The following ACBD3 variants were observed in gnomAD, a reference collection of about 807,000 sequenced individuals.
ACBD3 encodes Golgi resident protein GCP60.
Under a neutral mutation model 66.9 loss-of-function variants are expected in ACBD3, and 30 were observed. That is an observed-to-expected ratio of 0.45 (90% CI 0.34 to 0.61). The LOEUF (loss-of-function observed/expected upper bound fraction) is 0.61. Ranked by LOEUF, ACBD3 falls within the 20% of genes least tolerant of loss-of-function variation. The pLI, the probability that ACBD3 is intolerant of heterozygous loss-of-function variation, is 0.02. For synonymous variants in ACBD3, 278 were observed against 259.8 expected, an observed-to-expected ratio of 1.07 and a Z score of -0.68; for missense variants, 544 against 664.5, an observed-to-expected ratio of 0.82 and a Z score of 1.99.
intron 2 of ACBD3, 65 bp downstream of exon 2, chr1:226,165,794 A>G: frequency 6.5e-7 from 1 of 1,544,890 alleles, no homozygotes; most frequent in Non-Finnish European, 8.7e-7. Context: ...ACCTTAACCA[A>G]TACACATTGT....
chr1:226,156,952 TC>T (rs1380534406), intron 5 of ACBD3, among the ~76,000 whole-genome samples: 1 of 152,174 alleles, frequency 6.6e-6, no homozygotes, highest in Non-Finnish European at 1.5e-5. Context: ...CGACCATGAA[TC>T]TATTGTACTA....
At chr1:226,160,946 A>T (rs1051251355) in intron 4 of ACBD3, among the ~76,000 whole-genome samples, 7 of 152,242 alleles carry the variant, frequency 4.6e-5, no homozygotes, top group African/African-American at 7.2e-5. Context: ...AGATGCATGG[A>T]AACATAGACC....
intron 1 of ACBD3, among the ~76,000 whole-genome samples, chr1:226,177,901 C>A (rs1656082211): frequency 1.3e-5 from 2 of 152,004 alleles, no homozygotes; most frequent in South Asian, 4.2e-4. Flanking sequence ...AGCCACCAAG[C>A]CTGGCTAATT....
In ACBD3 at chr1:226,152,347, C is replaced by T. The variant is rs375575279; in HGVS notation, c.1363G>A (p.Glu455Lys). The change falls in exon 7 of 8, where the codon GAG (glutamate) becomes AAG (lysine). Residue 455 changes from glutamate (E) to lysine (K), a missense_variant. Transcript: ENST00000366812. ...CCAAGGGTTCTACCTTCTTCCTCCT[C>T]GTCGTCATCGCTGGACTCACTGACA... is the stretch of plus-strand genomic sequence containing the variant. Reference protein sequence around the residue: ...VHVSESSDDDEEEEENIGCEE... With the variant: ...VHVSESSDDDKEEEENIGCEE... 12 of 1,613,958 alleles carry T rather than the reference C, an allele frequency of 7.4e-6. No homozygotes were observed. The highest frequency in any genetic ancestry group is 3.3e-5 in the South Asian group (3 of 91,078).
intron 4 of ACBD3, 124 bp downstream of exon 4, chr1:226,161,407 C>T: frequency 2.2e-6 from 3 of 1,383,136 alleles, no homozygotes; most frequent in Non-Finnish European, 9.8e-7. Flanking sequence ...ATCTGCCCGC[C>T]TCCGCCTCCC....
At position 226,154,344 on chromosome 1, in the gene ACBD3, A is replaced by AT. The variant is rs775820124; in HGVS notation, c.1090+302dup. ...TGCCTCAGCCTCCCAGAGTGCTGGG[A>AT]TTACAGGTATGAGCCACTGCGCCCA... On this transcript the variant is annotated intron_variant, in intron 6 of 7. Coordinates refer to ENST00000366812, the MANE Select transcript of ACBD3 (RefSeq NM_022735.4). 8.6e-5 allele frequency among the ~76,000 whole-genome samples: 13 copies of AT among 151,938 alleles called. No homozygotes were observed. In the East Asian group the frequency reaches 2.3e-3, roughly 27 times the overall value.
chr1:226,168,992 A>T (rs1469880181), intron 1 of ACBD3, among the ~76,000 whole-genome samples: 1 of 151,978 alleles, frequency 6.6e-6, no homozygotes, highest in Non-Finnish European at 1.5e-5. Context: ...CCTCCCAAGT[A>T]GCTAGGACTA....
At chr1:226,182,268 A>G (rs1176844072) in intron 1 of ACBD3, among the ~76,000 whole-genome samples, 1 of 152,030 alleles carries the variant, frequency 6.6e-6, no homozygotes, top group Non-Finnish European at 1.5e-5. Context: ...TCCTCCCTTT[A>G]AAAACCTCCA....
chr1:226,159,291 A>G lies in ACBD3; in HGVS notation c.796T>C (p.Tyr266His). 2.5e-6 allele frequency: 4 copies of G among 1,614,160 alleles called. No individual in the cohort carries two copies. The highest frequency in any genetic ancestry group is 2.2e-5 in the East Asian group (1 of 44,888). Residue 266 changes from tyrosine to histidine, a missense_variant, in exon 5 of 8, where the codon TAT becomes CAT. By Grantham distance (83) the Tyr-to-His change is moderately conservative. Around this residue, in one of 3 missense-constraint regions of ACBD3, gnomAD observed 383 missense variants for 462.4 expected, o/e 0.83. Coordinates refer to ENST00000366812, the MANE Select transcript of ACBD3 (RefSeq NM_022735.4). ...VQFQQYAAQQ[Y>H]PGNYEQQQIL... The stretch of plus-strand genomic sequence containing the variant: ...TGCTGCTGTTCGTAGTTCCCTGGAT[A>G]CTGTTGGGCTGCATACTGCTGGAAC...
At chr1:226,176,998 T>G (rs781310648) in intron 1 of ACBD3, among the ~76,000 whole-genome samples, 1 of 152,170 alleles carries the variant, frequency 6.6e-6, no homozygotes, top group Non-Finnish European at 1.5e-5. Context: ...TTTAATCACA[T>G]ACAATCAAAC....
chr1:226,175,762 C>G (rs1399839657), intron 1 of ACBD3, among the ~76,000 whole-genome samples: 3 of 151,890 alleles, frequency 2.0e-5, no homozygotes, highest in Non-Finnish European at 4.4e-5. Flanking sequence ...GGGAAAAACA[C>G]CAGAAAACAG....
At chr1:226,162,872 C>A (rs1268194377) in intron 3 of ACBD3, among the ~76,000 whole-genome samples, 1 of 151,686 alleles carries the variant, frequency 6.6e-6, no homozygotes, top group Non-Finnish European at 1.5e-5. Flanking sequence ...TCTTGGCTCA[C>A]TGCAACCTCC....
chr1:226,166,036 A>G, intron 1 of ACBD3, 36 bp from the exon 2 acceptor site: 1 of 1,587,164 alleles, frequency 6.3e-7, no homozygotes, highest in Non-Finnish European at 8.5e-7. Context: ...AACAATTAGC[A>G]CAGGCAAAAT....
At chr1:226,167,395 A>G (rs1659896039) in intron 1 of ACBD3, among the ~76,000 whole-genome samples, 1 of 152,172 alleles carries the variant, frequency 6.6e-6, no homozygotes, top group Non-Finnish European at 1.5e-5. Flanking sequence ...AGAGGTTGCT[A>G]CTTCAGAGGT....
intron 1 of ACBD3, among the ~76,000 whole-genome samples, chr1:226,178,453 T>C (rs1656097302): frequency 1.3e-5 from 2 of 151,198 alleles, no homozygotes; most frequent in African/African-American, 4.9e-5. Context: ...CGGGCGCCTG[T>C]AGTCCCAGCT....
chr1:226,150,247 C>T (rs1342375994), intron 7 of ACBD3, among the ~76,000 whole-genome samples: 2 of 151,598 alleles, frequency 1.3e-5, no homozygotes. Flanking sequence ...TTTTTTTTGT[C>T]GAGATGTGGT....
At chr1:226,173,757 CTTTTTTTTT>C (rs145462202) in intron 1 of ACBD3, among the ~76,000 whole-genome samples, 9 of 88,324 alleles carry the variant, frequency 1.0e-4, no homozygotes, top group Non-Finnish European at 1.5e-4. Context: ...TTTTTCTTTT[CTTTTTTTTT>C]TTTTTTTTTT....
intron 1 of ACBD3, among the ~76,000 whole-genome samples, chr1:226,174,322 T>A (rs1347025233): frequency 1.3e-5 from 2 of 152,196 alleles, no homozygotes; most frequent in African/African-American, 4.8e-5. Context: ...AATTCTGCTT[T>A]CTATGGCAAA....
intron 1 of ACBD3, among the ~76,000 whole-genome samples, chr1:226,171,155 T>G (rs1398829010): frequency 6.6e-6 from 1 of 150,838 alleles, no homozygotes. Context: ...TAAACAATTT[T>G]TTTTTTTTCT....
Sources: gnomAD v4.1 joint callset for allele counts (sites outside exome capture counted in the v4.1 genomes callset) on GRCh38, gnomAD v4.1.1 for gene constraint, gnomAD v4.1.1 regional missense constraint, MANE v1.5 for transcripts, NCBI Gene and HGNC (gene_info 2026-07-23, HGNC 2026-07-21) for gene names.